KIAA1328: variants seen among roughly 807,000 people sequenced by gnomAD.
KIAA1328 encodes KIAA1328.
In KIAA1328, 52 loss-of-function variants were observed where a neutral mutation model predicts 68.1. The ratio of observed to expected loss-of-function variants is 0.76; its 90% CI spans 0.61 to 0.96. The LOEUF is 0.96. Ranked by LOEUF, KIAA1328 falls within the 40% of genes least tolerant of loss-of-function variation. The pLI is 0.00. For synonymous variants in KIAA1328, 232 were observed against 239.4 expected (o/e 0.97, Z 0.28); for missense variants, 641 against 677.6 (o/e 0.95, Z 0.60).
intron 4 of KIAA1328, among the ~76,000 whole-genome samples, chr18:36,884,160 A>G (rs1262997605): frequency 6.6e-6 from 1 of 152,152 alleles, no homozygotes; most frequent in Non-Finnish European, 1.5e-5. Flanking sequence ...GAGTAATAAC[A>G]GGAAAAGGGA....
chr18:37,011,247 A>T (rs1431584898), intron 6 of KIAA1328, among the ~76,000 whole-genome samples: 1 of 152,214 alleles, frequency 6.6e-6, no homozygotes, highest in African/African-American at 2.4e-5. Context: ...TCTCAAACTT[A>T]GCATAGCTAT....
chr18:37,020,197 C>T (rs528154806), intron 6 of KIAA1328, among the ~76,000 whole-genome samples: 2 of 152,208 alleles, frequency 1.3e-5, no homozygotes, highest in South Asian at 4.1e-4. Context: ...TATCTCGACT[C>T]ACTGCAATGT....
chr18:36,921,076 A>G (rs1020301451), intron 5 of KIAA1328: 1 of 152,152 alleles, frequency 6.6e-6, no homozygotes, highest in Admixed American at 6.5e-5. Context: ...CTCTGGCAGC[A>G]TATCCTCCTC....
intron 7 of KIAA1328, among the ~76,000 whole-genome samples, chr18:37,081,517 A>G (rs1450548204): frequency 1.3e-5 from 2 of 152,212 alleles, no homozygotes; most frequent in Non-Finnish European, 2.9e-5. Flanking sequence ...GCACATTAAT[A>G]TCATATAACA....
intron 6 of KIAA1328, among the ~76,000 whole-genome samples, chr18:37,061,239 A>G (rs1044212285): frequency 1.3e-5 from 2 of 152,268 alleles, no homozygotes; most frequent in Non-Finnish European, 2.9e-5. Context: ...AAAGAGTGAC[A>G]TACTCTATGA....
intron 9 of KIAA1328, among the ~76,000 whole-genome samples, chr18:37,199,952 TG>T (rs1218827692): frequency 2.6e-5 from 4 of 152,216 alleles, no homozygotes; most frequent in Non-Finnish European, 4.4e-5. Context: ...TTAAAAAGAA[TG>T]ACTGGAATGC....
intron 9 of KIAA1328, among the ~76,000 whole-genome samples, chr18:37,192,548 A>G (rs1286889176): frequency 6.6e-6 from 1 of 152,212 alleles, no homozygotes; most frequent in African/African-American, 2.4e-5. Flanking sequence ...TTTGGTTTCT[A>G]CACTATATTC....
intron 6 of KIAA1328, among the ~76,000 whole-genome samples, chr18:36,991,807 G>A (rs1377102293): frequency 6.6e-6 from 1 of 152,108 alleles, no homozygotes; most frequent in Non-Finnish European, 1.5e-5. Flanking sequence ...ATCCAAAAAA[G>A]TAGCTAGACT....
At chr18:36,940,018 A>G (rs955654292) in intron 5 of KIAA1328, among the ~76,000 whole-genome samples, 10 of 63,144 alleles carry the variant, frequency 1.6e-4, no homozygotes, top group African/African-American at 2.4e-4. Context: ...TTTTTTATCC[A>G]TTGTGTCCAA....
intron 7 of KIAA1328, among the ~76,000 whole-genome samples, chr18:37,156,290 G>A (rs992842959): frequency 1.3e-5 from 2 of 151,634 alleles, no homozygotes; most frequent in East Asian, 3.9e-4. Context: ...TACAGGCATG[G>A]GATTGCATGC....
chr18:36,995,104 C>T (rs2053337767), intron 6 of KIAA1328, among the ~76,000 whole-genome samples: 1 of 152,110 alleles, frequency 6.6e-6, no homozygotes, highest in African/African-American at 2.4e-5. Flanking sequence ...TTATCTCTCG[C>T]CTAGCCTCCC....
chr18:37,007,749 A>G (rs1409951679), intron 6 of KIAA1328, among the ~76,000 whole-genome samples: 1 of 152,178 alleles, frequency 6.6e-6, no homozygotes, highest in African/African-American at 2.4e-5. Flanking sequence ...AAAATAAAGC[A>G]TGAAGAACTT....
At chr18:36,861,310 T>C (rs903544170) in intron 4 of KIAA1328, among the ~76,000 whole-genome samples, 2 of 152,218 alleles carry the variant, frequency 1.3e-5, no homozygotes, top group African/African-American at 4.8e-5. Flanking sequence ...TGATATGTCT[T>C]ATCACTGGTG....
intron 5 of KIAA1328, among the ~76,000 whole-genome samples, chr18:36,957,212 C>G (rs1449988504): frequency 1.3e-5 from 2 of 152,118 alleles, no homozygotes; most frequent in African/African-American, 4.8e-5. Context: ...ATACTGAAAC[C>G]AGACACCATT....
intron 5 of KIAA1328, among the ~76,000 whole-genome samples, chr18:36,916,309 G>A (rs1011958216): frequency 1.3e-5 from 2 of 151,950 alleles, no homozygotes; most frequent in Admixed American, 1.3e-4. Flanking sequence ...GATGCATATT[G>A]ATCTGTCTTA....
At chr18:37,098,308 CT>C (rs780448233) in intron 7 of KIAA1328, among the ~76,000 whole-genome samples, 258 of 152,206 alleles carry the variant, frequency 1.7e-3, no homozygotes, top group Middle Eastern at 3.4e-3. Context: ...TGTCAAAGGC[CT>C]TTTCGGCATC....
chr18:36,856,913 A>G (rs996321539), intron 4 of KIAA1328, among the ~76,000 whole-genome samples: 1 of 152,164 alleles, frequency 6.6e-6, no homozygotes, highest in Non-Finnish European at 1.5e-5. Context: ...CTTGTCATGT[A>G]GTCTCTGAAG....
intron 5 of KIAA1328, among the ~76,000 whole-genome samples, chr18:36,922,407 G>C (rs544047299): frequency 6.6e-6 from 1 of 152,292 alleles, no homozygotes; most frequent in South Asian, 2.1e-4. Context: ...GAAGCATGTA[G>C]TTGATATGCT....
chr18:36,952,470 C>T (rs1276290303), intron 5 of KIAA1328, among the ~76,000 whole-genome samples: 1 of 151,960 alleles, frequency 6.6e-6, no homozygotes, highest in African/African-American at 2.4e-5. Context: ...AAGTGTTCTT[C>T]ATTTATTTAT....
Sources: allele counts gnomAD v4.1 joint callset (sites outside exome capture counted in the v4.1 genomes callset), GRCh38; gene constraint gnomAD v4.1.1; transcripts MANE v1.5; gene names NCBI Gene and HGNC (gene_info 2026-07-23, HGNC 2026-07-21).